Variants in NEGR1 observed in about 807,000 individuals in gnomAD.
NEGR1 encodes IgLON family member 4.
NEGR1 carries 10 observed loss-of-function variants against 40.9 expected under a neutral mutation model. The ratio of observed to expected loss-of-function variants is 0.24; its 90% CI spans 0.15 to 0.42. The LOEUF (loss-of-function observed/expected upper bound fraction) is 0.42. NEGR1 is among the 10% of genes least tolerant of loss of function. The pLI is 1.00. For missense variants in NEGR1, 352 were observed against 438.9 expected, an observed-to-expected ratio of 0.80 and a Z score of 1.77; for synonymous variants, 185 against 166.8, an observed-to-expected ratio of 1.11 and a Z score of -0.84.
At chr1:71,883,287 C>T (rs1239927164) in intron 2 of NEGR1, among the ~76,000 whole-genome samples, 3 of 152,008 alleles carry the variant, frequency 2.0e-5, no homozygotes, top group African/African-American at 7.2e-5. Flanking sequence ...AATAAAATGA[C>T]TTCAATAATT....
intron 2 of NEGR1, among the ~76,000 whole-genome samples, chr1:71,779,730 G>T (rs1412918162): frequency 6.6e-6 from 1 of 151,922 alleles, no homozygotes; most frequent in Non-Finnish European, 1.5e-5. Flanking sequence ...ACTGCGCCCA[G>T]CTAATTTTCA....
At chr1:71,767,464 G>A (rs1374468060) in intron 3 of NEGR1, among the ~76,000 whole-genome samples, 1 of 152,188 alleles carries the variant, frequency 6.6e-6, no homozygotes, top group African/African-American at 2.4e-5. Context: ...AAGCAGCCAG[G>A]TGTTCAAGAA....
intron 1 of NEGR1, among the ~76,000 whole-genome samples, chr1:72,106,672 A>C (rs1444603007): frequency 6.6e-6 from 1 of 151,998 alleles, no homozygotes; most frequent in Admixed American, 6.6e-5. Flanking sequence ...ACTAAGGAAG[A>C]CAATACATCT....
intron 1 of NEGR1, among the ~76,000 whole-genome samples, chr1:71,966,732 A>G (rs1420380238): frequency 1.3e-5 from 2 of 152,202 alleles, no homozygotes; most frequent in East Asian, 3.8e-4. Flanking sequence ...CCTCAATCAC[A>G]TCAGCAGGCA....
Position 71,597,230 on chromosome 1 carries a change from C to A in NEGR1, c.789-4262G>T, listed in dbSNP as rs574738303. Among the ~76,000 whole-genome samples the A allele has an allele frequency of 1.2e-4, 18 of 152,060 alleles. No individual in the cohort carries two copies. The South Asian group carries it at 2.3e-3, about 19-fold the overall frequency. On this transcript the variant is annotated intron_variant, in intron 5 of 6. Transcript: ENST00000357731. Reference sequence around the variant, plus strand: ...CAAAAATGAGGTTTTATTTGGTTATCAAATTACGATTAAATGCCTTCTATG... The same window carrying A: ...CAAAAATGAGGTTTTATTTGGTTATAAAATTACGATTAAATGCCTTCTATG...
At chr1:71,653,743 G>A (rs17091587) in intron 4 of NEGR1, among the ~76,000 whole-genome samples, 4,435 of 137,382 alleles carry the variant, frequency 0.032, 167 homozygotes, top group African/African-American at 0.1. Flanking sequence ...CCCAGGTACC[G>A]TGCTATGGCT....
intron 1 of NEGR1, among the ~76,000 whole-genome samples, chr1:72,148,304 C>T (rs191516678): frequency 5.3e-5 from 8 of 152,248 alleles, no homozygotes; most frequent in Middle Eastern, 6.8e-3. Context: ...ATAGAAGCTG[C>T]GAAGGCTTGT....
At chr1:71,688,865 A>C (rs757182443) in intron 4 of NEGR1, among the ~76,000 whole-genome samples, 1 of 152,174 alleles carries the variant, frequency 6.6e-6, no homozygotes, top group Non-Finnish European at 1.5e-5. Flanking sequence ...CAAAGCTCAC[A>C]ACCAATCTTT....
intron 2 of NEGR1, among the ~76,000 whole-genome samples, chr1:71,865,765 G>C (rs749630659): frequency 1.3e-5 from 2 of 152,084 alleles, no homozygotes; most frequent in Non-Finnish European, 2.9e-5. Flanking sequence ...AGAGTAGAAT[G>C]CCATTGCATT....
At chr1:71,857,457 C>CAA (rs34177437) in intron 2 of NEGR1, among the ~76,000 whole-genome samples, 855 of 77,616 alleles carry the variant, frequency 0.011, 19 homozygotes, top group East Asian at 0.063. Flanking sequence ...ACAAAAAATA[C>CAA]AAAAAAAAAA....
At chr1:71,975,731 C>T (rs1191802702) in intron 1 of NEGR1, among the ~76,000 whole-genome samples, 1 of 152,156 alleles carries the variant, frequency 6.6e-6, no homozygotes, top group East Asian at 1.9e-4. Context: ...GCTAGCTATT[C>T]GCCATGCGAC....
At chr1:71,829,372 T>C (rs1030280792) in intron 2 of NEGR1, among the ~76,000 whole-genome samples, 1 of 151,932 alleles carries the variant, frequency 6.6e-6, no homozygotes, top group Non-Finnish European at 1.5e-5. Context: ...CAAATCTCAA[T>C]GCAATAAGCT....
chr1:72,047,450 G>A (rs1010206072), intron 1 of NEGR1, among the ~76,000 whole-genome samples: 1 of 151,168 alleles, frequency 6.6e-6, no homozygotes, highest in Admixed American at 6.6e-5. Context: ...AATAATATAA[G>A]CTAATTTTTA....
chr1:72,098,319 C>T (rs1043315079), intron 1 of NEGR1, among the ~76,000 whole-genome samples: 1 of 152,102 alleles, frequency 6.6e-6, no homozygotes, highest in Non-Finnish European at 1.5e-5. Context: ...AACATAATTC[C>T]TTTGTCTGTA....
At chr1:72,134,085 G>A (rs1324506900) in intron 1 of NEGR1, among the ~76,000 whole-genome samples, 1 of 151,840 alleles carries the variant, frequency 6.6e-6, no homozygotes, top group Non-Finnish European at 1.5e-5. Flanking sequence ...GCATTTAAAT[G>A]CTTGTTAATT....
chr1:71,412,124 C>T (rs1422984766), intron 6 of NEGR1, among the ~76,000 whole-genome samples: 1 of 152,104 alleles, frequency 6.6e-6, no homozygotes, highest in Admixed American at 6.6e-5. Flanking sequence ...GAAGCCAAAA[C>T]TTTACAGCCT....
At chr1:72,116,417 A>T (rs1026231454) in intron 1 of NEGR1, among the ~76,000 whole-genome samples, 1 of 151,760 alleles carries the variant, frequency 6.6e-6, no homozygotes, top group Non-Finnish European at 1.5e-5. Flanking sequence ...AATTGTGAAC[A>T]GTAACACCCA....
chr1:72,266,083 CATA>C (rs1557605264), intron 1 of NEGR1, among the ~76,000 whole-genome samples: 1 of 150,836 alleles, frequency 6.6e-6, no homozygotes, highest in East Asian at 1.9e-4. Flanking sequence ...ATTACATCAT[CATA>C]ATGTTATTGA....
chr1:71,830,278 CAGCATTGCTCT>C (rs1557668856), intron 2 of NEGR1, among the ~76,000 whole-genome samples: 3 of 151,772 alleles, frequency 2.0e-5, no homozygotes, highest in Non-Finnish European at 4.4e-5. Context: ...ACTTGGTGTT[CAGCATTGCTCT>C]GGACTAAGTT....
Sources: gnomAD v4.1 joint callset for allele counts (sites outside exome capture counted in the v4.1 genomes callset) on GRCh38, gnomAD v4.1.1 for gene constraint, MANE v1.5 for transcripts, NCBI Gene and HGNC (gene_info 2026-07-23, HGNC 2026-07-21) for gene names.